Variants in USH1C observed in about 807,000 individuals in gnomAD.
USH1C encodes harmonin.
USH1C carries 90 observed loss-of-function variants against 119.3 expected under a neutral mutation model. The ratio of observed to expected loss-of-function variants is 0.75; its 90% CI spans 0.64 to 0.90. USH1C has a LOEUF of 0.90. Among genes scored for constraint, USH1C ranks in the 40% least tolerant of loss-of-function variants. USH1C has a pLI of 0.00. For missense variants in USH1C, 1,165 were observed against 1,167.7 expected, an observed-to-expected ratio of 1.00 and a Z score of 0.03; for synonymous variants, 465 against 443.3, an observed-to-expected ratio of 1.05 and a Z score of -0.62.
intron 14 of USH1C, 30 bp from the exon 15 acceptor site, chr11:17,516,320 A>G: frequency 6.2e-7 from 1 of 1,607,344 alleles, no homozygotes; most frequent in Non-Finnish European, 8.5e-7. Flanking sequence ...AAATGATGAG[A>G]CACAGTTCAG....
intron 23 of USH1C, 36 bp from the exon 24 acceptor site, chr11:17,498,307 G>A: frequency 6.3e-7 from 1 of 1,593,896 alleles, no homozygotes; most frequent in Non-Finnish European, 8.6e-7. Flanking sequence ...CAACTGGGCT[G>A]TATGTGACAC....
intron 1 of USH1C, among the ~76,000 whole-genome samples, chr11:17,534,825 GA>G (rs1851163421): frequency 7.0e-6 from 1 of 143,312 alleles, no homozygotes; most frequent in Non-Finnish European, 1.5e-5. Context: ...AGTGAGCCAA[GA>G]TTGCACCACT....
At chr11:17,529,339 G>C (rs1304430250) in intron 4 of USH1C, among the ~76,000 whole-genome samples, 1 of 152,236 alleles carries the variant, frequency 6.6e-6, no homozygotes, top group African/African-American at 2.4e-5. Flanking sequence ...GGGGACAAGG[G>C]CAGAGGGGTG....
At chr11:17,530,066 A>T (rs1229560428) in intron 4 of USH1C, among the ~76,000 whole-genome samples, 1 of 152,204 alleles carries the variant, frequency 6.6e-6, no homozygotes, top group Non-Finnish European at 1.5e-5. Flanking sequence ...TGAGACAGGG[A>T]TTTAGAACAA....
intron 4 of USH1C, 120 bp from the exon 5 acceptor site, chr11:17,527,451 C>G: frequency 2.4e-6 from 2 of 823,160 alleles, no homozygotes; most frequent in Non-Finnish European, 4.1e-6. Context: ...TGTGCCACCC[C>G]CTGGAATAAG....
At chr11:17,517,460 C>T (rs757625535) in intron 14 of USH1C, 1 of 1,594,322 alleles carries the variant, frequency 6.3e-7, no homozygotes, top group East Asian at 2.3e-5. Flanking sequence ...AGCTCAGGTT[C>T]CACTCCCTGA....
At chr11:17,497,802 G>T (rs1324784324) in intron 24 of USH1C, among the ~76,000 whole-genome samples, 4 of 152,312 alleles carry the variant, frequency 2.6e-5, no homozygotes, top group South Asian at 4.1e-4. Flanking sequence ...TTCATCCTGG[G>T]TTCTCTGCTT....
chr11:17,534,439 T>C (rs1851145234), intron 1 of USH1C, among the ~76,000 whole-genome samples: 1 of 152,220 alleles, frequency 6.6e-6, no homozygotes, highest in South Asian at 2.1e-4. Flanking sequence ...CCTCCTTCCC[T>C]ATAAAATCAG....
Position 17,533,368 on chromosome 11 carries a change from C to CG in USH1C, c.37-47_37-46insC, listed in dbSNP as rs1554963806. 5.1e-6 allele frequency: 7 copies of CG among 1,380,368 alleles called. No individual in the cohort carries two copies. In the African/African-American group the frequency reaches 5.7e-5, roughly 11 times the overall value. The allele number at this position is 1,380,368 out of a possible 1,614,324, so 85.5% of individuals were successfully genotyped here. On this transcript the variant is annotated intron_variant, in intron 1 of 26. Coordinates refer to ENST00000005226, the MANE Select transcript of USH1C (RefSeq NM_153676.4). Reference sequence around the variant, plus strand: ...ATCACAGCTCCAGGCTCAGCACCCGCCCCCATAGCAGACCTCAGGGAGGAG... The same window carrying CG: ...ATCACAGCTCCAGGCTCAGCACCCGCGCCCCATAGCAGACCTCAGGGAGGAG...
At chr11:17,524,084 C>T (rs968063961) in intron 9 of USH1C, among the ~76,000 whole-genome samples, 2 of 152,216 alleles carry the variant, frequency 1.3e-5, no homozygotes, top group African/African-American at 4.8e-5. Flanking sequence ...CATATACTTT[C>T]TCTGGGTCTC....
Position 17,509,659 on chromosome 11 carries a change from G to T in USH1C, c.1710C>A (p.Ser570=). Residue 570 remains serine, a synonymous_variant, in exon 18 of 27, where the codon TCC becomes TCA. Transcript: ENST00000005226. ...GCGCCGGGACCTTGTGGGGTGGGTT[G>T]GAGGGTGGAGGGTGGGGCATCACAG... ...ALPVMPHPPP[S]NPPHKVPAPP... 1 of 1,593,342 alleles carries T rather than the reference G, an allele frequency of 6.3e-7. No individual in the cohort carries two copies. The highest frequency in any genetic ancestry group is 8.5e-7 in the Non-Finnish European group (1 of 1,175,944).
chr11:17,510,383 G>A, intron 17 of USH1C, 22 bp downstream of exon 17: 1 of 1,592,454 alleles, frequency 6.3e-7, no homozygotes, highest in Non-Finnish European at 8.6e-7. Flanking sequence ...GAGGGTCTAT[G>A]TGGAAAGAAG....
rs5789992 is a variant in USH1C at position 17,533,363 on chromosome 11, A to AC, written c.37-42dup. 75,070 of 1,335,282 alleles carry AC rather than the reference A, an allele frequency of 0.056. 989 individuals carry two copies. The highest frequency in any genetic ancestry group is 0.16 in the East Asian group (6,643 of 40,724). 82.7% of individuals were successfully genotyped at this position (1,335,282 alleles called of 1,614,324 possible). A position where few individuals can be genotyped will look rare whatever the true frequency, so the allele number is the denominator to read the frequency against. The stretch of plus-strand genomic sequence containing the variant: ...GCAGAATCACAGCTCCAGGCTCAGC[A>AC]CCCGCCCCCATAGCAGACCTCAGGG... On this transcript the variant is annotated intron_variant, in intron 1 of 26. Transcript: ENST00000005226.
chr11:17,539,727 T>C (rs576054980), intron 1 of USH1C, among the ~76,000 whole-genome samples: 8 of 152,106 alleles, frequency 5.3e-5, no homozygotes, highest in Non-Finnish European at 1.2e-4. Flanking sequence ...TTATCATCCA[T>C]CTTTTCTTTT....
intron 1 of USH1C, among the ~76,000 whole-genome samples, chr11:17,540,039 C>T (rs1377720948): frequency 1.3e-5 from 2 of 151,972 alleles, no homozygotes; most frequent in Non-Finnish European, 2.9e-5. Flanking sequence ...GCTATGTTGC[C>T]CAGGCTGGTC....
In USH1C at chr11:17,526,435, G is replaced by A. The variant is rs1290295453; in HGVS notation, c.586C>T (p.Arg196Ter). Residue 196 changes from arginine (R) to a stop codon, truncating the protein, a stop_gained, in exon 8 of 27, where the codon CGA becomes TGA. Coordinates refer to ENST00000005226, the MANE Select transcript of USH1C (RefSeq NM_153676.4). LOFTEE classifies it high-confidence loss of function. ...TTTCCAGGGGAGCCCAGGCTGCCTC[G>A]CACGCCCTGAAAGAGAGATAGAAGC... ...DQFVSESGGVRGSLGSPGNRE... is the reference protein window; with the variant it reads ...DQFVSESGGV 8.1e-6 allele frequency: 13 copies of A among 1,613,806 alleles called. No homozygotes were observed. Among genetic ancestry groups the A allele is most frequent in the Non-Finnish European group, 1.0e-5 (12 of 1,179,872 alleles).
chr11:17,533,484 C>T (rs1851089376), intron 1 of USH1C, 162 bp from the exon 2 acceptor site: 1 of 691,964 alleles, frequency 1.4e-6, no homozygotes, highest in Non-Finnish European at 2.6e-6. Context: ...CCCTCTGACC[C>T]CAATGCATCA....
intron 1 of USH1C, 194 bp from the exon 2 acceptor site, chr11:17,533,516 C>T (rs977562355): frequency 1.7e-5 from 11 of 654,598 alleles, no homozygotes; most frequent in Middle Eastern, 3.8e-4. Context: ...ACCACCCCAA[C>T]GTGGCCACAG....
Position 17,531,139 on chromosome 11 carries a change from A to C in USH1C, c.387+15T>G. 6.2e-7 allele frequency: 1 copy of C among 1,613,744 alleles called. No homozygotes were observed. The highest frequency in any genetic ancestry group is 8.5e-7 in the Non-Finnish European group (1 of 1,179,934). ...GAGGCCCTCGCTCCCCCTCCCCCGG[A>C]CTCTGTTTGCTCACCTGGAGCCCGA... On this transcript the variant is annotated intron_variant, in intron 4 of 26. Transcript: ENST00000005226. This position sits in a 1 kb window ranked among gnomAD's most constrained non-coding sequence, Gnocchi z 4.2.
Sources: allele counts gnomAD v4.1 joint callset (sites outside exome capture counted in the v4.1 genomes callset), GRCh38; gene constraint gnomAD v4.1.1; non-coding constraint Gnocchi (gnomAD v3.1); transcripts MANE v1.5; gene names NCBI Gene and HGNC (gene_info 2026-07-23, HGNC 2026-07-21).